The following GRIN2B variants were observed in gnomAD, a reference collection of about 807,000 sequenced individuals.
GRIN2B encodes the protein glutamate ionotropic receptor NMDA type subunit 2B.
Under a neutral mutation model 114.5 loss-of-function variants are expected in GRIN2B, and 5 were observed. The observed-to-expected ratio is 0.04, with a 90% CI of 0.02 to 0.09. The LOEUF is 0.09. GRIN2B is among the 10% of genes least tolerant of loss of function. The probability of loss-of-function intolerance (pLI) is 1.00; values close to 1 mark genes in which losing one functional copy is unlikely to be tolerated. For synonymous variants in GRIN2B, 787 were observed against 745.1 expected (o/e 1.06, Z -0.92); for missense variants, 1,108 against 1,943.5 (o/e 0.57, Z 8.08).
At chr12:13,589,326 T>C (rs547655654) in intron 10 of GRIN2B, among the ~76,000 whole-genome samples, 31 of 152,278 alleles carry the variant, frequency 2.0e-4, no homozygotes, top group African/African-American at 2.6e-4. Context: ...ACAGGTAGAA[T>C]CCAAGTTGAA....
chr12:13,720,473 T>A (rs1334046630), intron 4 of GRIN2B, among the ~76,000 whole-genome samples: 3 of 152,102 alleles, frequency 2.0e-5, no homozygotes, highest in African/African-American at 7.2e-5. Flanking sequence ...TTGTGACTGT[T>A]CACCAACAGT....
intron 5 of GRIN2B, among the ~76,000 whole-genome samples, chr12:13,634,988 A>G (rs1949655220): frequency 6.6e-6 from 1 of 152,188 alleles, no homozygotes; most frequent in Non-Finnish European, 1.5e-5. Context: ...TCTTCAAATG[A>G]TGCATCTTTA....
At chr12:13,852,470 TAACAA>T (rs1017086826) in intron 3 of GRIN2B, among the ~76,000 whole-genome samples, 2 of 152,000 alleles carry the variant, frequency 1.3e-5, no homozygotes, top group Admixed American at 6.6e-5. Context: ...TTTGTAAAAA[TAACAA>T]AACAAAACAA....
In GRIN2B at chr12:13,660,452, G is replaced by T. The variant is rs147957106; in HGVS notation, c.1125+15293C>A. ...AAGAGCCCTTCAGTTTAGGTTTGTT[G>T]AATTGAACTGAAGCTAACTGATTGA... is the stretch of plus-strand genomic sequence containing the variant. On this transcript the variant is annotated intron_variant, in intron 5 of 13. Transcript: ENST00000609686. 2.6e-3 allele frequency among the ~76,000 whole-genome samples: 399 copies of T among 152,232 alleles called. 2 individuals are homozygous for T. The highest frequency in any genetic ancestry group is 9.1e-3 in the African/African-American group (380 of 41,552).
At chr12:13,565,794 G>C (rs1241700219) in intron 13 of GRIN2B, among the ~76,000 whole-genome samples, 1 of 152,174 alleles carries the variant, frequency 6.6e-6, no homozygotes, top group Non-Finnish European at 1.5e-5. Context: ...AAGAAGAAAG[G>C]TTTAGACAAG....
chr12:13,966,042 A>G (rs1867785830), intron 2 of GRIN2B, among the ~76,000 whole-genome samples: 1 of 152,202 alleles, frequency 6.6e-6, no homozygotes, highest in African/African-American at 2.4e-5. Flanking sequence ...CCCGGACATG[A>G]GATTCAGAAA....
At chr12:13,670,293 G>C (rs1950011845) in intron 5 of GRIN2B, 1 of 152,104 alleles carries the variant, frequency 6.6e-6, no homozygotes. Context: ...TTTCTGGTAG[G>C]TGGAGGCAGG....
intron 4 of GRIN2B, among the ~76,000 whole-genome samples, chr12:13,728,270 G>A (rs146697450): frequency 3.9e-5 from 6 of 152,106 alleles, no homozygotes; most frequent in Non-Finnish European, 7.4e-5. Context: ...GGTTGGGTAG[G>A]ACTAACTTTG....
Position 13,565,537 on chromosome 12 carries a change from C to T in GRIN2B, c.2599-898G>A, listed in dbSNP as rs541071144. On this transcript the variant is annotated intron_variant, in intron 13 of 13. Coordinates refer to ENST00000609686, the MANE Select transcript of GRIN2B (RefSeq NM_000834.5). ...GAAGGACACCGTGCAGGAGAGGCAA[C>T]GGGCTGGGTTCCTGGAGGGCTCAGT... 3.9e-5 allele frequency among the ~76,000 whole-genome samples: 6 copies of T among 152,236 alleles called. No individual in the cohort carries two copies. In the South Asian group the frequency reaches 6.2e-4, roughly 16 times the overall value.
chr12:13,739,720 G>C (rs1863248424), intron 4 of GRIN2B, among the ~76,000 whole-genome samples: 1 of 152,182 alleles, frequency 6.6e-6, no homozygotes, highest in Admixed American at 6.5e-5. Flanking sequence ...GGCTAAGGTG[G>C]TTAATTTTGG....
At chr12:13,571,771 A>AT (rs763231889) in intron 11 of GRIN2B, 33 bp downstream of exon 11, 51 of 1,610,062 alleles carry the variant, frequency 3.2e-5, no homozygotes, top group Non-Finnish European at 1.7e-6. Context: ...TGAGAAACAG[A>AT]TCAAGGACTC....
rs945602773 is a variant in GRIN2B, at chr12:13,560,786, A to C, written c.*1997T>G. The stretch of plus-strand genomic sequence containing the variant: ...TTCAGTTGGCTTTAAAATGAAAGAT[A>C]CTGAGGTAAAAATCAAGGAGGAGGG... On this transcript the variant is annotated 3_prime_UTR_variant, in exon 14 of 14. Coordinates refer to ENST00000609686, the MANE Select transcript of GRIN2B (RefSeq NM_000834.5). 2.0e-5 allele frequency: 3 copies of C among 152,276 alleles called. No individual in the cohort carries two copies. Among genetic ancestry groups the C allele is most frequent in the Non-Finnish European group, 4.4e-5 (3 of 68,066 alleles). 9.4% of individuals were successfully genotyped at this position (152,276 alleles called of 1,614,324 possible). A position where few individuals can be genotyped will look rare whatever the true frequency, so the allele number is the denominator to read the frequency against.
intron 3 of GRIN2B, among the ~76,000 whole-genome samples, chr12:13,834,197 A>ATTTTTTT (rs756189402): frequency 0.09 from 10,035 of 111,062 alleles, 725 homozygotes; most frequent in Non-Finnish European, 0.13. Context: ...CGCCTGGCTA[A>ATTTTTTT]TTTTTTTTTT....
At chr12:13,866,770 C>T (rs1312633452) in intron 2 of GRIN2B, among the ~76,000 whole-genome samples, 2 of 152,214 alleles carry the variant, frequency 1.3e-5, no homozygotes, top group African/African-American at 4.8e-5. Context: ...TCTTTAGTAA[C>T]CTTGTTAGTA....
At chr12:13,863,071 G>C (rs1342805382) in intron 3 of GRIN2B, among the ~76,000 whole-genome samples, 1 of 152,204 alleles carries the variant, frequency 6.6e-6, no homozygotes, top group Non-Finnish European at 1.5e-5. Context: ...CGGAGAGAAA[G>C]ACATGATGGA....
intron 10 of GRIN2B, among the ~76,000 whole-genome samples, chr12:13,591,128 A>T (rs1414566646): frequency 6.6e-6 from 1 of 152,088 alleles, no homozygotes; most frequent in East Asian, 1.9e-4. Flanking sequence ...CCCCTTCCAC[A>T]TCTTTTTTAG....
chr12:13,645,357 G>C (rs1022182471), intron 5 of GRIN2B, among the ~76,000 whole-genome samples: 1 of 152,054 alleles, frequency 6.6e-6, no homozygotes, highest in African/African-American at 2.4e-5. Context: ...GTCTTATCTG[G>C]GTGTGGTTGG....
intron 5 of GRIN2B, among the ~76,000 whole-genome samples, chr12:13,668,162 G>A (rs1237288998): frequency 6.6e-6 from 1 of 152,198 alleles, no homozygotes; most frequent in African/African-American, 2.4e-5. Flanking sequence ...CTGAAGCCAA[G>A]GTTAGGCCAG....
chr12:13,562,757 C>T lies in GRIN2B; in HGVS notation c.*26G>A. 1 of 1,597,244 alleles carries T rather than the reference C, an allele frequency of 6.3e-7. No homozygotes were observed. The highest frequency in any genetic ancestry group is 8.6e-7 in the Non-Finnish European group (1 of 1,164,504). On this transcript the variant is annotated 3_prime_UTR_variant, in exon 14 of 14. Transcript: ENST00000609686. ...GACCCACAGCCTTACCCTCCCGTAC[C>T]CACCTTAACCTCTCTGTTCCCTCAC...
Sources: gnomAD v4.1 joint callset for allele counts (sites outside exome capture counted in the v4.1 genomes callset) on GRCh38, gnomAD v4.1.1 for gene constraint, MANE v1.5 for transcripts, NCBI Gene and HGNC (gene_info 2026-07-23, HGNC 2026-07-21) for gene names.